Variants in NTM observed in about 807,000 individuals in gnomAD.
NTM encodes neurotrimin.
NTM carries 13 observed loss-of-function variants against 42.1 expected under a neutral mutation model. The observed-to-expected ratio is 0.31, with a 90% confidence interval of 0.20 to 0.49. The LOEUF is 0.49. NTM is among the 20% of genes least tolerant of loss of function. The pLI, the probability that NTM is intolerant of heterozygous loss-of-function variation, is 0.99. For missense variants in NTM, 373 were observed against 452.8 expected (o/e 0.82, Z 1.60); for synonymous variants, 187 against 179.2 (o/e 1.04, Z -0.35).
chr11:131,964,905 T>C (rs1223595463), intron 2 of NTM, among the ~76,000 whole-genome samples: 1 of 152,186 alleles, frequency 6.6e-6, no homozygotes. Context: ...TTTACTCTTG[T>C]TGACCTTAAC....
chr11:132,058,327 G>A (rs1216990961), intron 2 of NTM, among the ~76,000 whole-genome samples: 3 of 152,188 alleles, frequency 2.0e-5, no homozygotes, highest in Non-Finnish European at 2.9e-5. Flanking sequence ...CTATGGGGCA[G>A]TGCTCTGGTC....
chr11:131,662,482 C>G (rs1196974619), intron 1 of NTM: 1 of 152,162 alleles, frequency 6.6e-6, no homozygotes, highest in Non-Finnish European at 1.5e-5. Flanking sequence ...CTTTACACCA[C>G]CCCCACCCTG....
At chr11:132,276,961 G>A (rs2093750628) in intron 4 of NTM, among the ~76,000 whole-genome samples, 1 of 152,132 alleles carries the variant, frequency 6.6e-6, no homozygotes, top group Non-Finnish European at 1.5e-5. Context: ...CCACTATGTT[G>A]TTGCTAGTAT....
intron 1 of NTM, among the ~76,000 whole-genome samples, chr11:131,412,537 C>T (rs2135763383): frequency 6.6e-6 from 1 of 152,296 alleles, no homozygotes; most frequent in South Asian, 2.1e-4. Flanking sequence ...CTGTCCTCCT[C>T]TCTCCTCCCC....
Position 132,002,790 on chromosome 11 carries a change from A to G in NTM, c.167+91142A>G, listed in dbSNP as rs2069624450. ...TCAATAAACTCATTGGGAAAAGTGG[A>G]GGAAATCATAGTAACGATTTATTAA... is the stretch of plus-strand genomic sequence containing the variant. On this transcript the variant is annotated intron_variant, in intron 2 of 8. Coordinates refer to ENST00000683400, the MANE Select transcript of NTM (RefSeq NM_001352005.2). The surrounding 1 kb of genome is among the most constrained non-coding windows in gnomAD (Gnocchi z 4.5). Among the ~76,000 whole-genome samples, 1 of 152,176 alleles carries G rather than the reference A, an allele frequency of 6.6e-6. No homozygotes were observed. The highest frequency in any genetic ancestry group is 1.5e-5 in the Non-Finnish European group (1 of 68,038).
At chr11:132,321,453 G>T (rs768298808) in intron 7 of NTM, among the ~76,000 whole-genome samples, 4 of 152,050 alleles carry the variant, frequency 2.6e-5, no homozygotes, top group Non-Finnish European at 5.9e-5. Flanking sequence ...TGAATGAAAT[G>T]AAGCGAGAAG....
intron 2 of NTM, among the ~76,000 whole-genome samples, chr11:131,924,873 A>G (rs2057734154): frequency 6.6e-6 from 1 of 152,262 alleles, no homozygotes; most frequent in East Asian, 1.9e-4. Flanking sequence ...TTCTGATTTC[A>G]GCTGCATAGA....
intron 1 of NTM, among the ~76,000 whole-genome samples, chr11:131,521,351 A>ATAAG (rs1565594918): frequency 7.6e-6 from 1 of 131,998 alleles, no homozygotes; most frequent in East Asian, 2.4e-4. Flanking sequence ...AAATAAATAA[A>ATAAG]TAAATAAATG....
intron 1 of NTM, among the ~76,000 whole-genome samples, chr11:131,682,073 C>T (rs76185229): frequency 2.0e-5 from 3 of 152,146 alleles, no homozygotes; most frequent in African/African-American, 4.8e-5. Context: ...GCAGAACCGA[C>T]GCACCTAGTG....
At chr11:131,552,803 G>T (rs2054878339) in intron 1 of NTM, among the ~76,000 whole-genome samples, 1 of 132,442 alleles carries the variant, frequency 7.6e-6, no homozygotes, top group South Asian at 2.9e-4. Flanking sequence ...GGGCAACAGA[G>T]CAAGACTCCG....
At chr11:131,377,801 C>G (rs1017164129) in intron 1 of NTM, among the ~76,000 whole-genome samples, 1 of 152,130 alleles carries the variant, frequency 6.6e-6, no homozygotes, top group Non-Finnish European at 1.5e-5. Flanking sequence ...CTAGCTGCAC[C>G]CTGAATGCTT....
chr11:131,462,170 G>GTAT (rs377128439), intron 1 of NTM, among the ~76,000 whole-genome samples: 130 of 152,306 alleles, frequency 8.5e-4, no homozygotes, highest in African/African-American at 3.0e-3. Context: ...GCTGAATACT[G>GTAT]TATTATTCCA....
chr11:131,685,326 G>T (rs1355844101), intron 1 of NTM, among the ~76,000 whole-genome samples: 1 of 151,996 alleles, frequency 6.6e-6, no homozygotes, highest in East Asian at 1.9e-4. Flanking sequence ...CTCATGGAGA[G>T]TCGGGCATCC....
At chr11:131,903,132 GAA>G (rs59027607) in intron 1 of NTM, among the ~76,000 whole-genome samples, 11 of 150,246 alleles carry the variant, frequency 7.3e-5, no homozygotes, top group African/African-American at 1.2e-4. Context: ...CTGAAGAGAA[GAA>G]AAAAAAAAAT....
chr11:132,175,578 A>C (rs1459364900), intron 3 of NTM, among the ~76,000 whole-genome samples: 3 of 151,526 alleles, frequency 2.0e-5, no homozygotes, highest in African/African-American at 7.3e-5. Flanking sequence ...CAGACTAAAA[A>C]AATCCTACCC....
intron 3 of NTM, among the ~76,000 whole-genome samples, chr11:132,195,341 G>A (rs551441462): frequency 6.6e-6 from 1 of 151,890 alleles, no homozygotes; most frequent in Non-Finnish European, 1.5e-5. Context: ...TGGATAAGAA[G>A]AATCAATATT....
intron 4 of NTM, among the ~76,000 whole-genome samples, chr11:132,241,380 C>T (rs1048380434): frequency 7.2e-5 from 11 of 152,020 alleles, no homozygotes; most frequent in African/African-American, 2.4e-4. Context: ...CCAATTTAAC[C>T]GTTTTTACTG....
intron 1 of NTM, among the ~76,000 whole-genome samples, chr11:131,610,732 A>G (rs2061401831): frequency 6.6e-6 from 1 of 152,136 alleles, no homozygotes; most frequent in South Asian, 2.1e-4. Flanking sequence ...CACACTGGGA[A>G]TGGAGGAGGG....
chr11:131,845,109 A>T (rs2044740185), intron 1 of NTM, among the ~76,000 whole-genome samples: 1 of 152,188 alleles, frequency 6.6e-6, no homozygotes, highest in Admixed American at 6.5e-5. Flanking sequence ...CCCTTTTTGA[A>T]GTTAAGGAAT....
Sources: allele counts gnomAD v4.1 joint callset (sites outside exome capture counted in the v4.1 genomes callset), GRCh38; gene constraint gnomAD v4.1.1; non-coding constraint Gnocchi (gnomAD v3.1); transcripts MANE v1.5; gene names NCBI Gene and HGNC (gene_info 2026-07-23, HGNC 2026-07-21).